Variants in ZMPSTE24 observed in about 807,000 individuals in gnomAD.
ZMPSTE24 encodes CAAX prenyl protease 1 homolog.
In ZMPSTE24, 48 loss-of-function variants were observed where a neutral mutation model predicts 56.7. That is an observed-to-expected ratio of 0.85 (90% CI 0.67 to 1.08). ZMPSTE24 has a LOEUF of 1.08. Ranked by LOEUF, ZMPSTE24 falls within the 50% of genes least tolerant of loss-of-function variation. The pLI is 0.00. For synonymous variants in ZMPSTE24, 172 were observed against 195.2 expected, an observed-to-expected ratio of 0.88 and a Z score of 0.99; for missense variants, 503 against 548.7, an observed-to-expected ratio of 0.92 and a Z score of 0.83.
intron 8 of ZMPSTE24, among the ~76,000 whole-genome samples, chr1:40,287,258 C>T (rs997893051): frequency 2.0e-5 from 3 of 149,880 alleles, no homozygotes; most frequent in African/African-American, 2.5e-5. Context: ...TGGTAGAGAC[C>T]GGTTTTCACT....
chr1:40,262,935 C>A, intron 2 of ZMPSTE24: 1 of 1,028,036 alleles, frequency 9.7e-7, no homozygotes, highest in East Asian at 9.0e-5. Flanking sequence ...TTCTTCATCT[C>A]TGAAAAGTCT....
chr1:40,289,951 C>T (rs927557607), intron 8 of ZMPSTE24, among the ~76,000 whole-genome samples: 1 of 152,152 alleles, frequency 6.6e-6, no homozygotes, highest in East Asian at 1.9e-4. Context: ...CACCCTTTTA[C>T]AGAGAGAAAA....
At chr1:40,261,694 T>G (rs1297537938) in intron 2 of ZMPSTE24, among the ~76,000 whole-genome samples, 2 of 152,148 alleles carry the variant, frequency 1.3e-5, no homozygotes, top group Non-Finnish European at 2.9e-5. Flanking sequence ...GGGGTTTTTT[T>G]GTTGCTTTTT....
intron 6 of ZMPSTE24, among the ~76,000 whole-genome samples, chr1:40,274,817 A>G (rs1257848477): frequency 6.6e-6 from 1 of 152,204 alleles, no homozygotes; most frequent in East Asian, 1.9e-4. Flanking sequence ...GATAATAGTA[A>G]TTAATGGAGA....
chr1:40,262,708 C>A (rs1009076222), intron 2 of ZMPSTE24: 3 of 506,938 alleles, frequency 5.9e-6, no homozygotes, highest in Non-Finnish European at 8.2e-6. Context: ...CCAAACTTGA[C>A]TTAATATTTT....
chr1:40,266,870 C>T (rs915138291), intron 2 of ZMPSTE24, among the ~76,000 whole-genome samples: 7 of 144,026 alleles, frequency 4.9e-5, no homozygotes, highest in African/African-American at 1.8e-4. Flanking sequence ...CAGGCTCAAG[C>T]AATCCTTCTA....
intron 6 of ZMPSTE24, among the ~76,000 whole-genome samples, chr1:40,280,342 T>C (rs1389155004): frequency 6.6e-6 from 1 of 152,202 alleles, no homozygotes. Context: ...CTGGGCCAAA[T>C]GCGTTGTTGA....
In ZMPSTE24 at chr1:40,267,849, G is replaced by A; in HGVS notation, c.334G>A (p.Ala112Thr). 1 of 1,613,464 alleles carries A rather than the reference G, an allele frequency of 6.2e-7. No homozygotes were observed. Among genetic ancestry groups the A allele is most frequent in the Non-Finnish European group, 8.5e-7 (1 of 1,179,460 alleles). ...ACTTTCTGGACGGTTCTGTGGTTAT[G>A]CTGGCTTTGGACCAGAATATGAGGT... ...WRLSGRFCGY[A>T]GFGPEYEITQ... The change falls in exon 3 of 10, where the codon GCT becomes ACT. Residue 112 changes from alanine (A) to threonine (T), a missense_variant. Transcript: ENST00000372759.
At chr1:40,280,928 C>T (rs1228765509) in intron 6 of ZMPSTE24, among the ~76,000 whole-genome samples, 1 of 152,176 alleles carries the variant, frequency 6.6e-6, no homozygotes, top group South Asian at 2.1e-4. Flanking sequence ...TTGCACCAAC[C>T]TAATACATGC....
chr1:40,272,785 T>A (rs1569634578), intron 6 of ZMPSTE24, among the ~76,000 whole-genome samples: 1 of 152,328 alleles, frequency 6.6e-6, no homozygotes, highest in East Asian at 1.9e-4. Flanking sequence ...ATGTAATAGT[T>A]CTGTTCCTGC....
chr1:40,277,607 A>G (rs1293924145), intron 6 of ZMPSTE24, among the ~76,000 whole-genome samples: 3 of 152,124 alleles, frequency 2.0e-5, no homozygotes. Context: ...TTGTGTGCAT[A>G]CAATCTGCTT....
chr1:40,265,628 C>G (rs1046449398), intron 2 of ZMPSTE24, among the ~76,000 whole-genome samples: 2 of 152,062 alleles, frequency 1.3e-5, no homozygotes, highest in Non-Finnish European at 2.9e-5. Flanking sequence ...CCCAGGAGTT[C>G]AAAAATTCAG....
intron 7 of ZMPSTE24, among the ~76,000 whole-genome samples, chr1:40,284,268 A>G (rs1643760844): frequency 2.0e-5 from 3 of 151,284 alleles, no homozygotes. Flanking sequence ...TTGGATTTCT[A>G]ATAATTTTTT....
At chr1:40,287,652 G>A (rs970798685) in intron 8 of ZMPSTE24, among the ~76,000 whole-genome samples, 8 of 151,246 alleles carry the variant, frequency 5.3e-5, no homozygotes, top group African/African-American at 1.9e-4. Flanking sequence ...TCCAGCCTGG[G>A]CGACAGAGTG....
At chr1:40,282,442 T>C (rs972455930) in intron 7 of ZMPSTE24, among the ~76,000 whole-genome samples, 1 of 152,210 alleles carries the variant, frequency 6.6e-6, no homozygotes, top group African/African-American at 2.4e-5. Context: ...CATACAGAGA[T>C]GATTTTAGAT....
chr1:40,270,573 A>C lies in ZMPSTE24; in HGVS notation c.627+446A>C, dbSNP rs370535118. 7.9e-5 allele frequency among the ~76,000 whole-genome samples: 12 copies of C among 152,222 alleles called. 1 individual carries two copies. Among genetic ancestry groups the C allele is most frequent in the East Asian group, 3.9e-4 (2 of 5,182 alleles). ...TTCCCTTCCCTTGCCTTTCCCTTCC[A>C]CGTTAGACACTCTCTCCCTTCTTTG... On this transcript the variant is annotated intron_variant, in intron 5 of 9. Coordinates refer to ENST00000372759, the MANE Select transcript of ZMPSTE24 (RefSeq NM_005857.5).
At chr1:40,276,202 T>C (rs974640075) in intron 6 of ZMPSTE24, among the ~76,000 whole-genome samples, 9 of 152,208 alleles carry the variant, frequency 5.9e-5, no homozygotes, top group African/African-American at 2.2e-4. Context: ...AATAAGTCTA[T>C]AGACATCCCT....
intron 7 of ZMPSTE24, among the ~76,000 whole-genome samples, chr1:40,281,737 T>C (rs1643732747): frequency 6.6e-6 from 1 of 152,164 alleles, no homozygotes; most frequent in South Asian, 2.1e-4. Flanking sequence ...AGAATGTGGA[T>C]ATTAAAATTG....
Position 40,267,768 on chromosome 1 carries a change from G to A in ZMPSTE24, c.271-18G>A. On this transcript the variant is annotated intron_variant, in intron 2 of 9. Transcript: ENST00000372759. ...CTAGTACTGTTCAACTGTGATCAAA[G>A]TATGCTTTGTTTTATAGCTTATTCT... 1.9e-6 allele frequency: 3 copies of A among 1,567,046 alleles called. No homozygotes were observed. Among genetic ancestry groups the A allele is most frequent in the East Asian group, 4.5e-5 (2 of 44,648 alleles).
Sources: gnomAD v4.1 joint callset for allele counts (sites outside exome capture counted in the v4.1 genomes callset) on GRCh38, gnomAD v4.1.1 for gene constraint, MANE v1.5 for transcripts, NCBI Gene and HGNC (gene_info 2026-07-23, HGNC 2026-07-21) for gene names.